BTBD10: variants seen among roughly 807,000 people sequenced by gnomAD.
BTBD10 encodes the protein BTB domain containing 10, also known as BTB/POZ domain-containing protein 10.
In BTBD10, 21 loss-of-function variants were observed where a neutral mutation model predicts 53.2. The ratio of observed to expected loss-of-function variants is 0.39; its 90% CI spans 0.28 to 0.57. BTBD10 has a LOEUF of 0.57. Among genes scored for constraint, BTBD10 ranks in the 20% least tolerant of loss-of-function variants. The pLI is 0.53. For synonymous variants in BTBD10, 149 were observed against 192.7 expected, an observed-to-expected ratio of 0.77 and a Z score of 1.88; for missense variants, 360 against 594.7, an observed-to-expected ratio of 0.61 and a Z score of 4.10.
intron 8 of BTBD10, among the ~76,000 whole-genome samples, chr11:13,389,434 CTT>C (rs59009336): frequency 6.8e-6 from 1 of 147,220 alleles, no homozygotes; most frequent in East Asian, 2.0e-4. Flanking sequence ...GCTATGTATC[CTT>C]TTTTTTTTTT....
At chr11:13,400,119 T>C (rs1010347106) in intron 8 of BTBD10, among the ~76,000 whole-genome samples, 1 of 152,212 alleles carries the variant, frequency 6.6e-6, no homozygotes, top group Non-Finnish European at 1.5e-5. Context: ...TGCTGTCTTT[T>C]GTTTGTCTGT....
chr11:13,401,084 C>G (rs1161781653), intron 8 of BTBD10, among the ~76,000 whole-genome samples: 1 of 150,262 alleles, frequency 6.7e-6, no homozygotes, highest in Non-Finnish European at 1.5e-5. Context: ...ATTTTTAGAG[C>G]TGCATATTAA....
intron 1 of BTBD10, among the ~76,000 whole-genome samples, chr11:13,448,698 C>T (rs1307879597): frequency 6.6e-6 from 1 of 152,092 alleles, no homozygotes; most frequent in Non-Finnish European, 1.5e-5. Flanking sequence ...ACCTCCTTAC[C>T]ACCATTCAAT....
intron 1 of BTBD10, among the ~76,000 whole-genome samples, chr11:13,447,169 T>C (rs1234181155): frequency 6.6e-6 from 1 of 152,176 alleles, no homozygotes; most frequent in African/African-American, 2.4e-5. Flanking sequence ...TTTTTCTTTT[T>C]CTTTCTCTCT....
intron 2 of BTBD10, among the ~76,000 whole-genome samples, chr11:13,440,661 T>C (rs1308441811): frequency 6.6e-6 from 1 of 152,196 alleles, no homozygotes; most frequent in African/African-American, 2.4e-5. Context: ...GTTCAGACTT[T>C]ATGCAGTCTC....
chr11:13,460,863 A>G (rs570359119), intron 1 of BTBD10, among the ~76,000 whole-genome samples: 9 of 152,370 alleles, frequency 5.9e-5, no homozygotes, highest in African/African-American at 2.2e-4. Context: ...TTAATTTTAT[A>G]TATTAGCTGC....
At chr11:13,395,314 T>C (rs559798896) in intron 8 of BTBD10, among the ~76,000 whole-genome samples, 6 of 152,324 alleles carry the variant, frequency 3.9e-5, no homozygotes, top group African/African-American at 1.4e-4. Context: ...CTTTTTTTCA[T>C]GTGTTTTTTG....
intron 6 of BTBD10, among the ~76,000 whole-genome samples, chr11:13,410,759 A>G (rs1191904507): frequency 1.3e-5 from 2 of 152,268 alleles, no homozygotes; most frequent in African/African-American, 2.4e-5. Context: ...ATTATAAGTT[A>G]GCACTTAGAA....
chr11:13,419,259 C>T (rs995308319), intron 4 of BTBD10, among the ~76,000 whole-genome samples: 1 of 152,064 alleles, frequency 6.6e-6, no homozygotes, highest in African/African-American at 2.4e-5. Context: ...AGAAATAAAA[C>T]CAAGTTCAAG....
intron 1 of BTBD10, among the ~76,000 whole-genome samples, chr11:13,458,135 C>CAAA (rs35036994): frequency 4.0e-4 from 25 of 62,830 alleles, no homozygotes; most frequent in Non-Finnish European, 5.9e-4. Context: ...GACTCCATCT[C>CAAA]AAAAAAAAAA....
At chr11:13,406,051 G>A (rs146456435) in intron 6 of BTBD10, among the ~76,000 whole-genome samples, 195 bp from the exon 7 acceptor site, 131 of 152,106 alleles carry the variant, frequency 8.6e-4, no homozygotes, top group South Asian at 2.1e-3. Context: ...CTAGCCTAGC[G>A]TATTTTTCAC....
chr11:13,396,393 A>G (rs1949552548), intron 8 of BTBD10, among the ~76,000 whole-genome samples: 1 of 152,196 alleles, frequency 6.6e-6, no homozygotes, highest in African/African-American at 2.4e-5. Flanking sequence ...TTGATTTTGT[A>G]TCCTGAGACT....
intron 8 of BTBD10, among the ~76,000 whole-genome samples, chr11:13,400,438 T>G (rs1591097697): frequency 6.6e-6 from 1 of 152,236 alleles, no homozygotes; most frequent in East Asian, 1.9e-4. Context: ...TTCCAGGTGC[T>G]GTCTGTCACC....
intron 6 of BTBD10, among the ~76,000 whole-genome samples, chr11:13,408,703 A>G (rs1039745917): frequency 1.3e-5 from 2 of 152,100 alleles, no homozygotes; most frequent in African/African-American, 4.8e-5. Context: ...TCCACTCCAC[A>G]TTCAATTGAA....
chr11:13,395,254 A>G (rs1949513189), intron 8 of BTBD10, among the ~76,000 whole-genome samples: 2 of 151,958 alleles, frequency 1.3e-5, no homozygotes, highest in Admixed American at 6.6e-5. Context: ...GTGAGATGGT[A>G]TCTCATTGTG....
At chr11:13,412,132 C>G (rs1428559603) in intron 6 of BTBD10, among the ~76,000 whole-genome samples, 2 of 151,622 alleles carry the variant, frequency 1.3e-5, no homozygotes, top group Non-Finnish European at 2.9e-5. Context: ...CACCCAGCCC[C>G]TAAAATCATT....
chr11:13,394,639 G>A (rs968142430), intron 8 of BTBD10, among the ~76,000 whole-genome samples: 1 of 152,044 alleles, frequency 6.6e-6, no homozygotes, highest in African/African-American at 2.4e-5. Context: ...TTGGTGTGCT[G>A]CACCCATTAA....
intron 8 of BTBD10, among the ~76,000 whole-genome samples, chr11:13,401,749 G>A (rs981538380): frequency 6.6e-6 from 1 of 152,088 alleles, no homozygotes; most frequent in African/African-American, 2.4e-5. Flanking sequence ...AAGGCTGAGG[G>A]ACTTACCTTA....
intron 8 of BTBD10, among the ~76,000 whole-genome samples, chr11:13,392,537 C>T (rs1380926256): frequency 1.3e-5 from 2 of 152,108 alleles, no homozygotes; most frequent in East Asian, 1.9e-4. Context: ...GTAAATTATA[C>T]TCTTTATTAA....
Sources: allele counts gnomAD v4.1 joint callset (sites outside exome capture counted in the v4.1 genomes callset), GRCh38; gene constraint gnomAD v4.1.1; transcripts MANE v1.5; gene names NCBI Gene and HGNC (gene_info 2026-07-23, HGNC 2026-07-21).